Variants in TRHDE observed in about 807,000 individuals in gnomAD.
TRHDE encodes the protein thyrotropin-releasing hormone-degrading ectoenzyme.
TRHDE carries 72 observed loss-of-function variants against 125.7 expected under a neutral mutation model. The ratio of observed to expected loss-of-function variants is 0.57; its 90% CI spans 0.47 to 0.70. The LOEUF is 0.70. Ranked by LOEUF, TRHDE falls within the 30% of genes least tolerant of loss-of-function variation. The pLI, the probability that TRHDE is intolerant of heterozygous loss-of-function variation, is 0.00. For synonymous variants in TRHDE, 509 were observed against 509.1 expected (o/e 1.00, Z 0.00); for missense variants, 1,110 against 1,327.1 (o/e 0.84, Z 2.54).
intron 2 of TRHDE, among the ~76,000 whole-genome samples, chr12:72,164,536 CT>C (rs1304429812): frequency 3.9e-5 from 6 of 152,136 alleles, no homozygotes; most frequent in African/African-American, 1.4e-4. Flanking sequence ...AGAAATGATC[CT>C]GTGGTGGCAG....
intron 3 of TRHDE, among the ~76,000 whole-genome samples, chr12:72,408,123 G>A (rs1179687142): frequency 6.6e-6 from 1 of 152,140 alleles, no homozygotes; most frequent in Admixed American, 6.5e-5. Flanking sequence ...GAAAAAACTT[G>A]CTTTTATAAG....
At chr12:72,458,193 C>G (rs1438946754) in intron 3 of TRHDE, among the ~76,000 whole-genome samples, 1 of 152,156 alleles carries the variant, frequency 6.6e-6, no homozygotes, top group Non-Finnish European at 1.5e-5. Flanking sequence ...GGGAAACCTG[C>G]TGAAAACAAT....
At chr12:72,200,350 T>A (rs1877533629) in intron 2 of TRHDE, among the ~76,000 whole-genome samples, 1 of 152,164 alleles carries the variant, frequency 6.6e-6, no homozygotes, top group Non-Finnish European at 1.5e-5. Flanking sequence ...TGTTCAAACC[T>A]CAGTTTATTT....
intron 5 of TRHDE, among the ~76,000 whole-genome samples, chr12:72,499,013 G>T (rs552174388): frequency 4.6e-5 from 7 of 151,542 alleles, no homozygotes; most frequent in Non-Finnish European, 1.0e-4. Context: ...TGTGTGAAGG[G>T]GACAGGAAGG....
At chr12:72,197,548 A>G (rs547985839) in intron 2 of TRHDE, among the ~76,000 whole-genome samples, 1 of 152,202 alleles carries the variant, frequency 6.6e-6, no homozygotes, top group South Asian at 2.1e-4. Context: ...AAACTTTTAA[A>G]TGGTTTATTT....
At chr12:72,535,116 G>A (rs971816049) in intron 6 of TRHDE, among the ~76,000 whole-genome samples, 4 of 151,928 alleles carry the variant, frequency 2.6e-5, no homozygotes, top group Admixed American at 6.6e-5. Context: ...CTTATTATAT[G>A]CTAAACACTG....
intron 2 of TRHDE, among the ~76,000 whole-genome samples, chr12:72,231,080 C>T (rs1375033738): frequency 6.6e-6 from 1 of 152,044 alleles, no homozygotes; most frequent in East Asian, 1.9e-4. Flanking sequence ...AATTAATTCA[C>T]ATACTAGGCA....
At chr12:72,251,584 G>A (rs376032417) in intron 2 of TRHDE, among the ~76,000 whole-genome samples, 12 of 151,788 alleles carry the variant, frequency 7.9e-5, no homozygotes, top group East Asian at 3.9e-4. Flanking sequence ...CACCTGAGAC[G>A]GTTCCAATTT....
chr12:72,114,733 T>C (rs1875402572), intron 2 of TRHDE, among the ~76,000 whole-genome samples: 1 of 152,028 alleles, frequency 6.6e-6, no homozygotes, highest in Non-Finnish European at 1.5e-5. Context: ...ATAGATCAAA[T>C]GTGGGGACCC....
At position 72,421,511 on chromosome 12, in the gene TRHDE, A is replaced by T. The variant is rs1190172575; in HGVS notation, c.1315+43390A>T. 2.0e-5 allele frequency among the ~76,000 whole-genome samples: 3 copies of T among 152,160 alleles called. No individual in the cohort carries two copies. The East Asian group carries it at 5.8e-4, about 29-fold the overall frequency. Reference sequence around the variant, plus strand: ...AGATCTGTCTGAGAACCAAGGCAGGAGATGTAGGGCTTCTTTTGATCTGGC... The same window carrying T: ...AGATCTGTCTGAGAACCAAGGCAGGTGATGTAGGGCTTCTTTTGATCTGGC... On this transcript the variant is annotated intron_variant, in intron 3 of 18. Coordinates refer to ENST00000261180, the MANE Select transcript of TRHDE (RefSeq NM_013381.3).
chr12:72,499,924 A>G (rs979273189), intron 6 of TRHDE, among the ~76,000 whole-genome samples: 6 of 152,182 alleles, frequency 3.9e-5, no homozygotes, highest in Admixed American at 1.3e-4. Flanking sequence ...TGTTATGTAA[A>G]TGTCAGTTTT....
At chr12:72,582,408 C>T (rs754233143) in intron 12 of TRHDE, 270 of 985,140 alleles carry the variant, frequency 2.7e-4, no homozygotes, top group Non-Finnish European at 3.0e-4. Context: ...ACAACATTTG[C>T]AAACTGTGGA....
chr12:72,360,546 A>G (rs1356956664), intron 2 of TRHDE, among the ~76,000 whole-genome samples: 2 of 151,812 alleles, frequency 1.3e-5, no homozygotes, highest in Non-Finnish European at 2.9e-5. Flanking sequence ...GTGGAACACT[A>G]TTTCATACCC....
intron 2 of TRHDE, among the ~76,000 whole-genome samples, chr12:72,301,547 A>G (rs1184747200): frequency 6.6e-6 from 1 of 152,198 alleles, no homozygotes; most frequent in Non-Finnish European, 1.5e-5. Context: ...AGAGACAGTT[A>G]GTGGAAATAG....
intron 3 of TRHDE, among the ~76,000 whole-genome samples, chr12:72,449,793 A>G (rs1875484049): frequency 6.6e-6 from 1 of 152,060 alleles, no homozygotes; most frequent in African/African-American, 2.4e-5. Context: ...CTTTACTAGC[A>G]ATAAATGGAA....
chr12:72,623,540 T>TTAC (rs1873135942), intron 15 of TRHDE, among the ~76,000 whole-genome samples: 1 of 152,104 alleles, frequency 6.6e-6, no homozygotes, highest in Non-Finnish European at 1.5e-5. Flanking sequence ...CAGTACCATC[T>TTAC]GGTAGCTGGA....
intron 9 of TRHDE, among the ~76,000 whole-genome samples, chr12:72,563,352 T>G (rs1293297294): frequency 6.6e-6 from 1 of 152,208 alleles, no homozygotes. Context: ...TGCAAGAAGT[T>G]AAAATGTGTT....
At chr12:72,306,954 G>T (rs181578983) in intron 2 of TRHDE, among the ~76,000 whole-genome samples, 3 of 152,178 alleles carry the variant, frequency 2.0e-5, no homozygotes, top group Non-Finnish European at 4.4e-5. Context: ...GGGAACAGGA[G>T]TTGAGGCAGA....
intron 3 of TRHDE, among the ~76,000 whole-genome samples, chr12:72,467,510 A>G (rs1257831173): frequency 6.6e-6 from 1 of 152,092 alleles, no homozygotes; most frequent in Non-Finnish European, 1.5e-5. Context: ...ATTTTAATAT[A>G]TATTTCAGAC....
Sources: allele counts gnomAD v4.1 joint callset (sites outside exome capture counted in the v4.1 genomes callset), GRCh38; gene constraint gnomAD v4.1.1; transcripts MANE v1.5; gene names NCBI Gene and HGNC (gene_info 2026-07-23, HGNC 2026-07-21).